The following CAPRIN1 variants were observed in gnomAD, a reference collection of about 807,000 sequenced individuals.
CAPRIN1 encodes the protein caprin-1.
CAPRIN1 carries 29 observed loss-of-function variants against 100.9 expected under a neutral mutation model. The ratio of observed to expected loss-of-function variants is 0.29; its 90% CI spans 0.21 to 0.39. The LOEUF is 0.39. Among genes scored for constraint, CAPRIN1 ranks in the 10% least tolerant of loss-of-function variants. CAPRIN1 has a pLI of 1.00. For missense variants in CAPRIN1, 795 were observed against 876.7 expected, an observed-to-expected ratio of 0.91 and a Z score of 1.18; for synonymous variants, 338 against 307.5, an observed-to-expected ratio of 1.10 and a Z score of -1.04.
chr11:34,093,535 A>T (rs1416724612), intron 15 of CAPRIN1, among the ~76,000 whole-genome samples: 2 of 152,218 alleles, frequency 1.3e-5, no homozygotes, highest in African/African-American at 4.8e-5. Flanking sequence ...CTAATTATTC[A>T]ATTTCTTGGT....
At chr11:34,073,648 T>C (rs1343733790) in intron 4 of CAPRIN1, among the ~76,000 whole-genome samples, 2 of 152,142 alleles carry the variant, frequency 1.3e-5, no homozygotes, top group Non-Finnish European at 2.9e-5. Context: ...TGTCTCAAAC[T>C]CCTGACCCCT....
intron 6 of CAPRIN1, among the ~76,000 whole-genome samples, chr11:34,079,170 A>G (rs1306718191): frequency 1.3e-5 from 2 of 152,224 alleles, no homozygotes; most frequent in Non-Finnish European, 2.9e-5. Context: ...CCCTTTGGGA[A>G]GCCAAGGTGG....
In CAPRIN1 at chr11:34,082,847, C is replaced by T; in HGVS notation, c.849C>T (p.Tyr283=). The T allele has an allele frequency of 1.2e-6, 2 of 1,613,862 alleles. No individual in the cohort carries two copies. The highest frequency in any genetic ancestry group is 1.1e-5 in the South Asian group (1 of 91,068). ...PEAEPEPAEE[Y]TEQSEVESTE... ...TAGAACCTGAGCCAGCAGAAGAGTA[C>T]ACTGAGCAAAGTGAAGTTGAATCAA... The change falls in exon 8 of 19, where the codon TAC becomes TAT. Residue 283 remains tyrosine (Y), a synonymous_variant. Coordinates refer to ENST00000341394, the MANE Select transcript of CAPRIN1 (RefSeq NM_005898.5).
rs920029712 is a variant in CAPRIN1 at position 34,101,088 on chromosome 11, G to A, written c.*1721G>A. On this transcript the variant is annotated 3_prime_UTR_variant, in exon 19 of 19. Transcript: ENST00000341394. ...TGAACATTCCACATTCAAAAGTTTT[G>A]TAGGGTGGTGGGAAATGGGGGATCT... 1 of 152,514 alleles carries A rather than the reference G, an allele frequency of 6.6e-6. No individual in the cohort carries two copies. Among genetic ancestry groups the A allele is most frequent in the African/African-American group, 2.4e-5 (1 of 41,428 alleles). The allele number at this position is 152,514 out of a possible 1,614,324, so 9.4% of individuals were successfully genotyped here.
intron 15 of CAPRIN1, among the ~76,000 whole-genome samples, chr11:34,093,011 G>T (rs1048988785): frequency 1.3e-5 from 2 of 150,796 alleles, no homozygotes; most frequent in Non-Finnish European, 3.0e-5. Context: ...GGTGCTTACC[G>T]CCATGGCTGG....
chr11:34,071,052 G>A (rs1477566610), intron 2 of CAPRIN1, among the ~76,000 whole-genome samples: 1 of 152,192 alleles, frequency 6.6e-6, no homozygotes, highest in African/African-American at 2.4e-5. Context: ...GGGAGAGGGA[G>A]AGGCAAAAAT....
chr11:34,079,905 GT>G (rs377455073), intron 7 of CAPRIN1, 140 bp downstream of exon 7: 5 of 331,942 alleles, frequency 1.5e-5, no homozygotes, highest in African/African-American at 1.4e-4. Context: ...GCATGACAAA[GT>G]TTTTTTTTTT....
At chr11:34,083,466 A>T (rs1405295250) in intron 9 of CAPRIN1, among the ~76,000 whole-genome samples, 1 of 151,858 alleles carries the variant, frequency 6.6e-6, no homozygotes, top group African/African-American at 2.4e-5. Context: ...GATAATGATG[A>T]TTTTTTTCGG....
chr11:34,086,446 A>T, intron 11 of CAPRIN1, 33 bp downstream of exon 11: 1 of 1,223,312 alleles, frequency 8.2e-7, no homozygotes, highest in Non-Finnish European at 1.2e-6. Flanking sequence ...GTGAGAGAGA[A>T]ATATAAGGCC....
intron 2 of CAPRIN1, among the ~76,000 whole-genome samples, chr11:34,058,095 T>G (rs1185914380): frequency 6.6e-6 from 1 of 152,012 alleles, no homozygotes; most frequent in Admixed American, 6.6e-5. Context: ...AATTGAGATG[T>G]TTATATGGAA....
chr11:34,079,386 C>T (rs1477045011), intron 6 of CAPRIN1, among the ~76,000 whole-genome samples: 2 of 152,104 alleles, frequency 1.3e-5, no homozygotes, highest in Non-Finnish European at 1.5e-5. Context: ...GGTTTCAGAG[C>T]AAGACTGTAT....
At chr11:34,052,909 G>A in intron 2 of CAPRIN1, 1 of 1,312,696 alleles carries the variant, frequency 7.6e-7, no homozygotes. Context: ...CCGGCTTTTT[G>A]GCCTTTAGGA....
At chr11:34,082,756 T>C (rs989632054) in intron 7 of CAPRIN1, 69 bp from the exon 8 acceptor site, 8 of 1,083,820 alleles carry the variant, frequency 7.4e-6, no homozygotes, top group Non-Finnish European at 1.1e-5. Context: ...TCTACCAATA[T>C]CACACAGAGT....
At chr11:34,059,912 C>T (rs1166046001) in intron 2 of CAPRIN1, among the ~76,000 whole-genome samples, 1 of 131,772 alleles carries the variant, frequency 7.6e-6, no homozygotes, top group Non-Finnish European at 1.6e-5. Context: ...AGCTGGGTAG[C>T]AGGCTGGGCA....
chr11:34,055,794 G>A (rs1202516284), intron 2 of CAPRIN1: 1 of 152,114 alleles, frequency 6.6e-6, no homozygotes, highest in East Asian at 1.9e-4. Context: ...GCAGCAAAAA[G>A]GTCAAGTTAC....
At chr11:34,062,342 T>TGGACC (rs1850597162) in intron 2 of CAPRIN1, among the ~76,000 whole-genome samples, 2 of 150,898 alleles carry the variant, frequency 1.3e-5, no homozygotes, top group South Asian at 4.2e-4. Context: ...TGGTAAAGAT[T>TGGACC]GGACCGGGCG....
In CAPRIN1 at chr11:34,096,513, CCATCAAGTGACT is replaced by C. The variant is rs765876772; in HGVS notation, c.1741_1752del (p.His581_Thr584del). ...CTTACCATGGTTCCCCAGACCAGTC[CCATCAAGTGACT>C]GGTAACCACCAGCAGCCTCCTCAGC... On this transcript the variant is annotated inframe_deletion, in exon 16 of 19. Transcript: ENST00000341394. 1.3e-5 allele frequency: 21 copies of C among 1,613,620 alleles called. No homozygotes were observed. The highest frequency in any genetic ancestry group is 4.4e-5 in the South Asian group (4 of 91,074).
chr11:34,080,579 C>T lies in CAPRIN1; in HGVS notation c.826+814C>T, dbSNP rs975637767. 6.8e-4 allele frequency among the ~76,000 whole-genome samples: 103 copies of T among 152,292 alleles called. 1 individual carries two copies. The highest frequency in any genetic ancestry group is 5.9e-5 in the Non-Finnish European group (4 of 68,016). On this transcript the variant is annotated intron_variant, in intron 7 of 18. Transcript: ENST00000341394. ...CAGTTAATTTTATCATGTAGCACAA[C>T]ACTAATTATATAGCTAGACACTTAA...
chr11:34,066,323 TTTTA>T (rs896305055), intron 2 of CAPRIN1, among the ~76,000 whole-genome samples: 6 of 151,554 alleles, frequency 4.0e-5, no homozygotes, highest in South Asian at 4.2e-4. Flanking sequence ...TTTAATTTAT[TTTTA>T]TTTATTTATT....
Sources: allele counts gnomAD v4.1 joint callset (sites outside exome capture counted in the v4.1 genomes callset), GRCh38; gene constraint gnomAD v4.1.1; transcripts MANE v1.5; gene names NCBI Gene and HGNC (gene_info 2026-07-23, HGNC 2026-07-21).